NEXMIF: variants seen among roughly 807,000 people sequenced by gnomAD.
NEXMIF encodes XLMR protein related to neurite extension.
In NEXMIF, 8 loss-of-function variants were observed where a neutral mutation model predicts 62.1. The observed-to-expected ratio is 0.13, with a 90% CI of 0.08 to 0.23. The LOEUF (loss-of-function observed/expected upper bound fraction) is 0.23. Among genes scored for constraint, NEXMIF ranks in the 10% least tolerant of loss-of-function variants. The probability of loss-of-function intolerance (pLI) is 1.00; values close to 1 mark genes in which losing one functional copy is unlikely to be tolerated. For synonymous variants in NEXMIF, 404 were observed against 416.6 expected (o/e 0.97, Z 0.37); for missense variants, 976 against 1,113.3 (o/e 0.88, Z 1.75).
At chrX:74,796,231 T>TATATATATATATATACATATATA (rs2080309933) in intron 1 of NEXMIF, among the ~76,000 whole-genome samples, 4 of 53,297 alleles carry the variant, frequency 7.5e-5, no homozygotes, top group East Asian at 8.6e-4. Flanking sequence ...ACATATATAA[T>TATATATATATATATACATATATA]ATATATATAT....
intron 1 of NEXMIF, among the ~76,000 whole-genome samples, chrX:74,860,929 AAAC>A (rs1479216637): frequency 8.9e-6 from 1 of 111,923 alleles, no homozygotes; most frequent in Non-Finnish European, 1.9e-5. Context: ...GAAATAAAGA[AAAC>A]AATAACAAAA....
At chrX:74,816,384 A>G (rs2080376104) in intron 1 of NEXMIF, among the ~76,000 whole-genome samples, 1 of 112,123 alleles carries the variant, frequency 8.9e-6, no homozygotes, top group African/African-American at 3.2e-5. Flanking sequence ...TTGAATATTA[A>G]GAATCTAAGG....
chrX:74,922,368 GT>G (rs2080830094), intron 1 of NEXMIF, among the ~76,000 whole-genome samples: 2 of 108,304 alleles, frequency 1.8e-5, no homozygotes. Flanking sequence ...GTGTGTGTGT[GT>G]GAAAAAGCAC....
chrX:74,787,182 C>T (rs1184665933), intron 1 of NEXMIF, among the ~76,000 whole-genome samples: 1 of 106,666 alleles, frequency 9.4e-6, no homozygotes, highest in Non-Finnish European at 1.9e-5. Flanking sequence ...ACTCGGGAGG[C>T]TGAGGCAGGA....
intron 1 of NEXMIF, among the ~76,000 whole-genome samples, chrX:74,896,248 A>G (rs1350620779): frequency 8.9e-6 from 1 of 111,805 alleles, no homozygotes; most frequent in Non-Finnish European, 1.9e-5. Context: ...AAAGTTGAAA[A>G]GCTCTCAGCC....
intron 1 of NEXMIF, among the ~76,000 whole-genome samples, chrX:74,900,462 C>CAAAAAAAAAAAAAAAAAAA (rs758887978): frequency 3.0e-5 from 1 of 33,385 alleles, no homozygotes; most frequent in Non-Finnish European, 6.0e-5. Context: ...GACTCCGTCT[C>CAAAAAAAAAAAAAAAAAAA]AAAAAAAAAA....
Position 74,744,497 on chromosome X carries a change from A to G in NEXMIF, c.80-20T>C. The G allele has an allele frequency of 8.9e-7, 1 of 1,120,038 alleles. No homozygotes were observed. Among genetic ancestry groups the G allele is most frequent in the Non-Finnish European group, 1.2e-6 (1 of 836,841 alleles). 92.3% of individuals were successfully genotyped at this position (1,120,038 alleles called of 1,213,427 possible). On this transcript the variant is annotated intron_variant, in intron 2 of 3. Coordinates refer to ENST00000055682, the MANE Select transcript of NEXMIF (RefSeq NM_001008537.3). ...CTGAGTCTAGAAAAAAGGGAAAGAA[A>G]TGACAGGAATAAAATTAAGAGTCTT...
At chrX:74,866,977 T>G (rs1334463527) in intron 1 of NEXMIF, among the ~76,000 whole-genome samples, 2 of 112,350 alleles carry the variant, frequency 1.8e-5, no homozygotes, top group Admixed American at 1.9e-4. Flanking sequence ...CAAGCATTCC[T>G]ATACACAAAC....
intron 1 of NEXMIF, among the ~76,000 whole-genome samples, chrX:74,923,308 T>C (rs1188142703): frequency 8.9e-6 from 1 of 111,826 alleles, no homozygotes; most frequent in Non-Finnish European, 1.9e-5. Flanking sequence ...TTCCAGAAAT[T>C]AGACACTGTA....
rs1447782427 is a variant in NEXMIF, at chrX:74,810,436, A to C, written c.-47-64739T>G. ...GGTTTGACAGAAAAAAGTAAAAGTCAAAGTTACCTAAACTCCAGTTAAGAG... is the reference window on the plus strand; with the variant it reads ...GGTTTGACAGAAAAAAGTAAAAGTCCAAGTTACCTAAACTCCAGTTAAGAG... On this transcript the variant is annotated intron_variant, in intron 1 of 3. Coordinates refer to ENST00000055682, the MANE Select transcript of NEXMIF (RefSeq NM_001008537.3). Among the ~76,000 whole-genome samples, 7 of 111,060 alleles carry C rather than the reference A, an allele frequency of 6.3e-5. No individual in the cohort carries two copies. The Admixed American group carries it at 6.7e-4, about 11-fold the overall frequency.
Position 74,743,384 on chromosome X carries a change from T to C in NEXMIF, c.1173A>G (p.Glu391=). 8.3e-7 allele frequency: 1 copy of C among 1,211,563 alleles called. No homozygotes were observed. Among genetic ancestry groups the C allele is most frequent in the Non-Finnish European group, 1.1e-6 (1 of 895,516 alleles). The change falls in exon 3 of 4, where the codon GAA becomes GAG. Residue 391 remains glutamate, a synonymous_variant. Coordinates refer to ENST00000055682, the MANE Select transcript of NEXMIF (RefSeq NM_001008537.3). ...CATCTTTCTTCTCTACACCTTTGTCTTCCTGTCCTTCCTCTTTGCCTTTCT... is the reference window on the plus strand; with the variant it reads ...CATCTTTCTTCTCTACACCTTTGTCCTCCTGTCCTTCCTCTTTGCCTTTCT... The part of the protein sequence containing the change: ...DKKKGKEEGQ[E]DKGVEKKDGK...
At chrX:74,897,137 G>T (rs771874456) in intron 1 of NEXMIF, among the ~76,000 whole-genome samples, 1 of 111,578 alleles carries the variant, frequency 9.0e-6, no homozygotes, top group Admixed American at 9.5e-5. Context: ...AATGGTTGAG[G>T]GTCTGACAAA....
At chrX:74,839,772 C>G (rs771956267) in intron 1 of NEXMIF, among the ~76,000 whole-genome samples, 3 of 112,480 alleles carry the variant, frequency 2.7e-5, no homozygotes, top group Non-Finnish European at 5.6e-5. Context: ...GCATGGTATT[C>G]TATGGTGTAT....
intron 1 of NEXMIF, among the ~76,000 whole-genome samples, chrX:74,878,818 G>A (rs1012253668): frequency 2.0e-4 from 23 of 112,359 alleles, no homozygotes; most frequent in African/African-American, 6.8e-4. Context: ...TGCGCTTCCC[G>A]TGTGAAGCAA....
At chrX:74,878,404 G>A (rs1288196811) in intron 1 of NEXMIF, among the ~76,000 whole-genome samples, 1 of 112,431 alleles carries the variant, frequency 8.9e-6, no homozygotes, top group Non-Finnish European at 1.9e-5. Flanking sequence ...CTGTCAGACA[G>A]GGACATTTAA....
intron 1 of NEXMIF, among the ~76,000 whole-genome samples, chrX:74,861,903 A>G (rs779431026): frequency 4.5e-4 from 50 of 111,984 alleles, no homozygotes; most frequent in Non-Finnish European, 8.3e-4. Flanking sequence ...ACTGAATTAC[A>G]AAGACCAATG....
At position 74,835,763 on chromosome X, in the gene NEXMIF, C is replaced by T. The variant is rs184938648; in HGVS notation, c.-48+89120G>A. 7.1e-4 allele frequency among the ~76,000 whole-genome samples: 79 copies of T among 111,302 alleles called. No homozygotes were observed. In the East Asian group the frequency reaches 0.02, roughly 29 times the overall value. On this transcript the variant is annotated intron_variant, in intron 1 of 3. Transcript: ENST00000055682. ...TACCCAAGGTCTGCTGAAACCACTA[C>T]CTGGCTACCACCCACATTTACTCAA... is the stretch of plus-strand genomic sequence containing the variant.
At chrX:74,831,873 C>G (rs2080438801) in intron 1 of NEXMIF, among the ~76,000 whole-genome samples, 1 of 111,844 alleles carries the variant, frequency 8.9e-6, no homozygotes, top group East Asian at 2.8e-4. Flanking sequence ...CTGAAATGAT[C>G]ACACGGTTTT....
At chrX:74,847,413 T>G (rs1302271118) in intron 1 of NEXMIF, among the ~76,000 whole-genome samples, 1 of 112,122 alleles carries the variant, frequency 8.9e-6, no homozygotes, top group Non-Finnish European at 1.9e-5. Context: ...GACGTTAACC[T>G]AGAAAATGTG....
Sources: gnomAD v4.1 joint callset for allele counts (sites outside exome capture counted in the v4.1 genomes callset) on GRCh38, gnomAD v4.1.1 for gene constraint, MANE v1.5 for transcripts, NCBI Gene and HGNC (gene_info 2026-07-23, HGNC 2026-07-21) for gene names.